Variants in SRL observed in about 807,000 individuals in gnomAD.
The protein encoded by SRL is sarcalumenin.
Under a neutral mutation model 39.5 loss-of-function variants are expected in SRL, and 23 were observed. The observed-to-expected ratio is 0.58, with a 90% confidence interval of 0.42 to 0.82. The LOEUF is 0.82. Ranked by LOEUF, SRL falls within the 40% of genes least tolerant of loss-of-function variation. The pLI is 0.00. For synonymous variants in SRL, 272 were observed against 237.4 expected (o/e 1.15, Z -1.34); for missense variants, 592 against 607.8 (o/e 0.97, Z 0.27).
Position 4,192,840 on chromosome 16 carries a change from C to T in SRL, c.735G>A (p.Gly245=), listed in dbSNP as rs781202555. The T allele has an allele frequency of 1.2e-6, 2 of 1,614,170 alleles. No individual in the cohort carries two copies. Among genetic ancestry groups the T allele is most frequent in the South Asian group, 1.1e-5 (1 of 91,086 alleles). ...GGATGATCCTTATCTGGGATTCACG[C>T]CCCTTCAACTGGCGGAAGAGCATCT... ...ELEMLFRQLK[G]RESQIRIILN... The change falls in exon 6 of 6, where the codon GGG becomes GGA. Residue 245 remains glycine (G), a synonymous_variant. Coordinates refer to ENST00000399609, the MANE Select transcript of SRL (RefSeq NM_001098814.2). This position sits in a 1 kb window ranked among gnomAD's most constrained non-coding sequence, Gnocchi z 4.0.
chr16:4,225,375 G>C (rs2052576188), intron 1 of SRL, among the ~76,000 whole-genome samples: 1 of 152,248 alleles, frequency 6.6e-6, no homozygotes, highest in East Asian at 1.9e-4. Context: ...TTGAGGCCAG[G>C]AGTTCAAGAT....
intron 1 of SRL, among the ~76,000 whole-genome samples, chr16:4,208,555 G>A (rs2052355237): frequency 6.6e-6 from 1 of 152,202 alleles, no homozygotes. Flanking sequence ...ACAAATGCTT[G>A]TGCATCCCAC....
intron 1 of SRL, among the ~76,000 whole-genome samples, chr16:4,227,058 G>A (rs1248080872): frequency 6.6e-6 from 1 of 150,656 alleles, no homozygotes; most frequent in East Asian, 2.0e-4. Flanking sequence ...ATGAATGGAT[G>A]GATGGATGGA....
chr16:4,239,219 T>C (rs1274706234), intron 1 of SRL, among the ~76,000 whole-genome samples: 1 of 152,228 alleles, frequency 6.6e-6, no homozygotes, highest in Non-Finnish European at 1.5e-5. Flanking sequence ...GGGAAACAGC[T>C]TCCTGACCGT....
intron 1 of SRL, among the ~76,000 whole-genome samples, chr16:4,234,231 C>A (rs1347049575): frequency 2.0e-5 from 3 of 152,158 alleles, no homozygotes; most frequent in African/African-American, 7.2e-5. Flanking sequence ...TGGGCTCAAG[C>A]AATCCTGCCG....
intron 1 of SRL, among the ~76,000 whole-genome samples, chr16:4,205,052 G>A (rs1055201544): frequency 1.3e-5 from 2 of 152,190 alleles, no homozygotes; most frequent in Admixed American, 1.3e-4. Context: ...GCCGAGTGCA[G>A]TGGCTCACAC....
chr16:4,196,057 T>C (rs2052136715), intron 4 of SRL, among the ~76,000 whole-genome samples: 2 of 151,850 alleles, frequency 1.3e-5, no homozygotes, highest in Admixed American at 1.3e-4. Context: ...ATCTCCCAGG[T>C]TCAAGCGATT....
intron 1 of SRL, among the ~76,000 whole-genome samples, chr16:4,211,885 G>A (rs1357828215): frequency 2.0e-5 from 3 of 152,132 alleles, no homozygotes; most frequent in African/African-American, 7.2e-5. Context: ...TGGTGAGAGT[G>A]ATGATGACAA....
At chr16:4,238,236 T>C (rs1027794827) in intron 1 of SRL, among the ~76,000 whole-genome samples, 4 of 152,000 alleles carry the variant, frequency 2.6e-5, no homozygotes, top group Admixed American at 6.6e-5. Context: ...AGGCGCTCCA[T>C]CCCACAGCCA....
intron 1 of SRL, among the ~76,000 whole-genome samples, chr16:4,240,653 C>G (rs2052763427): frequency 6.6e-6 from 1 of 152,130 alleles, no homozygotes; most frequent in African/African-American, 2.4e-5. Flanking sequence ...TCCAGATGAC[C>G]AGTTCCCTCG....
At chr16:4,238,419 C>T (rs889401723) in intron 1 of SRL, among the ~76,000 whole-genome samples, 1 of 152,162 alleles carries the variant, frequency 6.6e-6, no homozygotes, top group Non-Finnish European at 1.5e-5. Context: ...AGGCATCAAA[C>T]GGCCAGCTAG....
intron 1 of SRL, chr16:4,207,672 G>T (rs554096250): frequency 4.7e-6 from 2 of 427,598 alleles, no homozygotes; most frequent in South Asian, 3.4e-5. Flanking sequence ...AGTTCCCTCC[G>T]TGGGGAGCCC....
At chr16:4,231,139 A>G (rs1394308103) in intron 1 of SRL, among the ~76,000 whole-genome samples, 1 of 152,124 alleles carries the variant, frequency 6.6e-6, no homozygotes. Flanking sequence ...ACATGGCGAG[A>G]GCCCTGTCTC....
chr16:4,226,228 T>C (rs1440048514), intron 1 of SRL, among the ~76,000 whole-genome samples: 1 of 152,260 alleles, frequency 6.6e-6, no homozygotes, highest in Non-Finnish European at 1.5e-5. Context: ...CTCAGTTTCC[T>C]GTCTGTCAGG....
chr16:4,225,971 C>T (rs2052583494), intron 1 of SRL, among the ~76,000 whole-genome samples: 1 of 152,140 alleles, frequency 6.6e-6, no homozygotes, highest in African/African-American at 2.4e-5. Context: ...TGGATTTGCT[C>T]TTCAGGGCCC....
Position 4,197,834 on chromosome 16 carries a change from A to G in SRL, c.341T>C (p.Leu114Pro). The change falls in exon 4 of 6, where the codon CTT (leucine) becomes CCT (proline). Residue 114 changes from leucine (L) to proline (P), a missense_variant. Leu to Pro is a moderately conservative substitution (Grantham distance 98). Transcript: ENST00000399609. Reference sequence around the variant, plus strand: ...CTGATAGCGAGTATTTTCCAGCCCAAGGAGGTAGTTTATCATGGTAGATTT... The same window carrying G: ...CTGATAGCGAGTATTTTCCAGCCCAGGGAGGTAGTTTATCATGGTAGATTT... ...VGKSTMINYL[L>P]GLENTRYQLY... is the part of the protein sequence containing the mutation. The G allele has an allele frequency of 6.2e-7, 1 of 1,613,790 alleles. No individual in the cohort carries two copies. Among genetic ancestry groups the G allele is most frequent in the Non-Finnish European group, 8.5e-7 (1 of 1,179,638 alleles).
chr16:4,190,145 G>T lies in SRL; in HGVS notation c.*2008C>A. The T allele has an allele frequency of 2.5e-6, 1 of 397,600 alleles. No individual in the cohort carries two copies. The highest frequency in any genetic ancestry group is 4.4e-6 in the Non-Finnish European group (1 of 225,990). 24.6% of individuals were successfully genotyped at this position (397,600 alleles called of 1,614,324 possible). The stretch of plus-strand genomic sequence containing the variant: ...CGGGTGTTCTTGTGGAAGGGTCCAG[G>T]CCCTCCACAAAGCCAAACGCAACGG... On this transcript the variant is annotated 3_prime_UTR_variant, in exon 6 of 6. Coordinates refer to ENST00000399609, the MANE Select transcript of SRL (RefSeq NM_001098814.2).
chr16:4,192,212 G>A lies in SRL; in HGVS notation c.1363C>T (p.Leu455Phe), dbSNP rs1432786211. The stretch of plus-strand genomic sequence containing the variant: ...CTACACCCTGTTTTGTCACAGTTGA[G>A]AGCACCTGGATTCTTCCCGAGCCCG... ...SLGLGKNPGA[L>F]NCDKTGCSET... is the part of the protein sequence containing the mutation. Residue 455 changes from leucine (L) to phenylalanine (F), a missense_variant, in exon 6 of 6, where the codon CTC (leucine) becomes TTC (phenylalanine). Coordinates refer to ENST00000399609, the MANE Select transcript of SRL (RefSeq NM_001098814.2). This position sits in a 1 kb window ranked among gnomAD's most constrained non-coding sequence, Gnocchi z 4.0. 6.2e-7 allele frequency: 1 copy of A among 1,600,484 alleles called. No homozygotes were observed. Among genetic ancestry groups the A allele is most frequent in the Non-Finnish European group, 8.5e-7 (1 of 1,174,572 alleles).
chr16:4,231,939 T>C (rs1052944532), intron 1 of SRL, among the ~76,000 whole-genome samples: 9 of 152,214 alleles, frequency 5.9e-5, no homozygotes, highest in African/African-American at 1.9e-4. Context: ...ATGCTGGAAA[T>C]AGAGCAAGTA....
Sources: allele counts gnomAD v4.1 joint callset (sites outside exome capture counted in the v4.1 genomes callset), GRCh38; gene constraint gnomAD v4.1.1; non-coding constraint Gnocchi (gnomAD v3.1); transcripts MANE v1.5; gene names NCBI Gene and HGNC (gene_info 2026-07-23, HGNC 2026-07-21).